The following CATSPERT variants were observed in gnomAD, a reference collection of about 807,000 sequenced individuals.
The protein encoded by CATSPERT is catsper channel auxiliary subunit tau.
chr2:201,593,737 CTTCT>C, the CATSPERT span, among the ~76,000 whole-genome samples: 2 of 148,910 alleles, frequency 1.3e-5, no homozygotes, highest in African/African-American at 2.5e-5. Context: ...ATGTAATGGC[CTTCT>C]TTGTCTCTTT....
the CATSPERT span, among the ~76,000 whole-genome samples, chr2:201,573,305 T>C: frequency 1.3e-5 from 2 of 152,220 alleles, no homozygotes; most frequent in Non-Finnish European, 2.9e-5. Flanking sequence ...TAGGAAGATA[T>C]CTTCTTTGGG....
chr2:201,562,603 G>T, the CATSPERT span, among the ~76,000 whole-genome samples: 1 of 139,206 alleles, frequency 7.2e-6, no homozygotes, highest in African/African-American at 2.6e-5. Context: ...GTGGAGGGAA[G>T]GTCAGCAGAT....
the CATSPERT span, among the ~76,000 whole-genome samples, chr2:201,581,508 AT>A: frequency 1.5e-3 from 155 of 101,606 alleles, 15 homozygotes; most frequent in Admixed American, 0.01. Context: ...ATATATATAT[AT>A]ATATATATAT....
chr2:201,584,518 C>T, the CATSPERT span, among the ~76,000 whole-genome samples: 1 of 151,552 alleles, frequency 6.6e-6, no homozygotes, highest in African/African-American at 2.4e-5. Context: ...GGCATGGTGG[C>T]TCATGCCTGT....
chr2:201,522,102 G>C, the CATSPERT span, among the ~76,000 whole-genome samples: 1 of 152,028 alleles, frequency 6.6e-6, no homozygotes, highest in African/African-American at 2.4e-5. Flanking sequence ...ACTGGAACAA[G>C]ACACCACCAC....
the CATSPERT span, among the ~76,000 whole-genome samples, chr2:201,539,594 C>A: frequency 1.0e-5 from 1 of 98,326 alleles, no homozygotes; most frequent in South Asian, 3.4e-4. Context: ...GTTTTTTTTG[C>A]CAAGATCCCT....
At chr2:201,563,092 C>A in the CATSPERT span, among the ~76,000 whole-genome samples, 1 of 150,172 alleles carries the variant, frequency 6.7e-6, no homozygotes, top group Non-Finnish European at 1.5e-5. Context: ...GTAGGGGCGG[C>A]CGGGCAGAGG....
chr2:201,546,778 T>C, the CATSPERT span, among the ~76,000 whole-genome samples: 1 of 152,130 alleles, frequency 6.6e-6, no homozygotes, highest in Admixed American at 6.5e-5. Flanking sequence ...CCTTTATATA[T>C]ACCCCAGAGA....
the CATSPERT span, among the ~76,000 whole-genome samples, chr2:201,581,394 C>T: frequency 1.5e-5 from 2 of 135,564 alleles, no homozygotes; most frequent in Non-Finnish European, 3.1e-5. Context: ...AGTGATACAA[C>T]CTAAAAGTGT....
the CATSPERT span, among the ~76,000 whole-genome samples, chr2:201,604,038 T>C: frequency 6.6e-6 from 1 of 152,318 alleles, no homozygotes; most frequent in South Asian, 2.1e-4. Flanking sequence ...CAGTTCTATA[T>C]GCATGTAGAT....
the CATSPERT span, chr2:201,534,336 C>T: frequency 3.9e-5 from 35 of 900,220 alleles, no homozygotes; most frequent in Non-Finnish European, 4.7e-5. Context: ...GATAATAAAA[C>T]ATCTTTTTTA....
At chr2:201,617,129 C>A in the CATSPERT span, among the ~76,000 whole-genome samples, 1 of 152,210 alleles carries the variant, frequency 6.6e-6, no homozygotes, top group African/African-American at 2.4e-5. Context: ...AATGACCATA[C>A]TGCCCAAGGT....
the CATSPERT span, chr2:201,537,502 T>TA: frequency 6.6e-7 from 1 of 1,521,574 alleles, no homozygotes; most frequent in Non-Finnish European, 8.9e-7. Context: ...TTAATAGGGG[T>TA]ATTTTATTTT....
the CATSPERT span, among the ~76,000 whole-genome samples, chr2:201,499,738 G>A: frequency 4.0e-5 from 6 of 151,886 alleles, no homozygotes; most frequent in Non-Finnish European, 5.9e-5. Context: ...GGAGGCTGAG[G>A]TGGGGGATCA....
chr2:201,492,552 A>G, the CATSPERT span: 1 of 1,535,216 alleles, frequency 6.5e-7, no homozygotes, highest in Middle Eastern at 1.7e-4. Context: ...TCCTTAGAGA[A>G]GATATGTTTG....
chr2:201,487,660 A>G, the CATSPERT span: 12 of 1,613,496 alleles, frequency 7.4e-6, no homozygotes, highest in Non-Finnish European at 1.0e-5. Flanking sequence ...GCATTTCATA[A>G]TCTGATGTTT....
the CATSPERT span, among the ~76,000 whole-genome samples, chr2:201,568,291 C>T: frequency 2.0e-5 from 3 of 152,138 alleles, no homozygotes; most frequent in East Asian, 1.9e-4. Context: ...ATCAATAAAA[C>T]GGACCAGTCT....
At chr2:201,581,990 G>T in the CATSPERT span, 2 of 1,330,162 alleles carry the variant, frequency 1.5e-6, no homozygotes, top group East Asian at 2.6e-5. Context: ...GAATTTGAAG[G>T]CAGATAATAA....
the CATSPERT span, chr2:201,556,838 T>TAATA: frequency 1.4e-3 from 215 of 150,672 alleles, no homozygotes; most frequent in African/African-American, 4.5e-3. Flanking sequence ...AAAATATAAA[T>TAATA]AATAAATAAA....
Sources: allele counts gnomAD v4.1 joint callset (sites outside exome capture counted in the v4.1 genomes callset), GRCh38; gene constraint gnomAD v4.1.1; transcripts MANE v1.5; gene names NCBI Gene and HGNC (gene_info 2026-07-23, HGNC 2026-07-21).